ALS2CL: variants seen among roughly 807,000 people sequenced by gnomAD.
ALS2CL encodes the protein ALS2 C-terminal like.
In ALS2CL, 112 loss-of-function variants were observed where a neutral mutation model predicts 127.9. The ratio of observed to expected loss-of-function variants is 0.88; its 90% CI spans 0.75 to 1.02. The LOEUF (loss-of-function observed/expected upper bound fraction) is 1.02, where lower values mean the gene tolerates loss of function less well. Among genes scored for constraint, ALS2CL ranks in the 50% least tolerant of loss-of-function variants. ALS2CL has a pLI of 0.00. For synonymous variants in ALS2CL, 519 were observed against 527.6 expected (o/e 0.98, Z 0.22); for missense variants, 1,174 against 1,236.7 (o/e 0.95, Z 0.76).
chr3:46,673,268 A>T, intron 22 of ALS2CL, 71 bp downstream of exon 22: 1 of 1,322,030 alleles, frequency 7.6e-7, no homozygotes, highest in Non-Finnish European at 1.0e-6. Context: ...AGCAATCATG[A>T]GGCAAAGGGC....
intron 1 of ALS2CL, among the ~76,000 whole-genome samples, chr3:46,693,312 C>T (rs924243769): frequency 6.6e-6 from 1 of 152,272 alleles, no homozygotes; most frequent in Admixed American, 6.5e-5. Context: ...CCTGGAATCC[C>T]GGGTCGGGCC....
chr3:46,677,179 C>T lies in ALS2CL; in HGVS notation c.1758-157G>A, dbSNP rs943628453. On this transcript the variant is annotated intron_variant, in intron 16 of 25. Transcript: ENST00000318962. ...GATTGAACCATGCAGAGGGGGCTGACCTCCACGGCTCCAGGAGGAAGAGCA... is the reference window on the plus strand; with the variant it reads ...GATTGAACCATGCAGAGGGGGCTGATCTCCACGGCTCCAGGAGGAAGAGCA... The T allele has an allele frequency of 9.5e-5, 136 of 1,433,878 alleles. No homozygotes were observed. The highest frequency in any genetic ancestry group is 5.1e-4 in the Middle Eastern group (2 of 3,892). 88.8% of individuals were successfully genotyped at this position (1,433,878 alleles called of 1,614,324 possible).
rs756560775 is a variant in ALS2CL at position 46,675,612 on chromosome 3, A to G, written c.2255+6T>C. The stretch of plus-strand genomic sequence containing the variant: ...GGCAGGCCCCAAGGAGACCTGCGCC[A>G]GTCACCTTGTCTCTGTGTCTTCATC... On this transcript the variant is annotated splice_donor_region_variant and intron_variant, in intron 20 of 25. Transcript: ENST00000318962. 2.9e-5 allele frequency: 47 copies of G among 1,613,342 alleles called. No individual in the cohort carries two copies. The highest frequency in any genetic ancestry group is 4.0e-5 in the Non-Finnish European group (47 of 1,179,656).
intron 16 of ALS2CL, among the ~76,000 whole-genome samples, chr3:46,677,627 A>G (rs73061835): frequency 1.8e-3 from 267 of 152,308 alleles, no homozygotes; most frequent in Non-Finnish European, 3.1e-3. Context: ...CTCCCTCCCT[A>G]CATCTGAAAT....
chr3:46,692,764 C>A (rs1224179238), intron 1 of ALS2CL, among the ~76,000 whole-genome samples: 3 of 152,216 alleles, frequency 2.0e-5, no homozygotes, highest in Non-Finnish European at 4.4e-5. Context: ...GCCCCTGTGG[C>A]GCTCTAACCA....
At position 46,676,413 on chromosome 3, in the gene ALS2CL, G is replaced by T. The variant is rs1401967349; in HGVS notation, c.2029-11C>A. 6.2e-7 allele frequency: 1 copy of T among 1,613,670 alleles called. No homozygotes were observed. The highest frequency in any genetic ancestry group is 1.3e-5 in the African/African-American group (1 of 75,006). ...TGAGTTGCTCAGAGCCTGGGCCAGT[G>T]CATAGGCAACAGAGAGAGACTAAGC... On this transcript the variant is annotated splice_polypyrimidine_tract_variant and intron_variant, in intron 18 of 25. Transcript: ENST00000318962.
At chr3:46,679,593 A>G (rs1699157272) in intron 14 of ALS2CL, 1 of 207,470 alleles carries the variant, frequency 4.8e-6, no homozygotes, top group Admixed American at 5.8e-5. Flanking sequence ...TCTCTGAAAC[A>G]TCCCTGCTTC....
At chr3:46,678,066 G>A (rs888005991) in intron 16 of ALS2CL, among the ~76,000 whole-genome samples, 193 bp downstream of exon 16, 1 of 150,874 alleles carries the variant, frequency 6.6e-6, no homozygotes. Context: ...GTTTTGTGGT[G>A]TACCGCATTA....
At position 46,683,778 on chromosome 3, in the gene ALS2CL, T is replaced by G; in HGVS notation, c.912+4A>C. The G allele has an allele frequency of 6.2e-7, 1 of 1,613,906 alleles. No homozygotes were observed. Among genetic ancestry groups the G allele is most frequent in the Non-Finnish European group, 8.5e-7 (1 of 1,179,918 alleles). On this transcript the variant is annotated splice_donor_region_variant and intron_variant, in intron 9 of 25. Coordinates refer to ENST00000318962, the MANE Select transcript of ALS2CL (RefSeq NM_147129.5). ...CCCGCAGTTCACAGCTCACCCACAC[T>G]CACCTGGCCCTGGGAGTCCTTGGCA...
At chr3:46,672,608 A>T (rs1230222870) in intron 22 of ALS2CL, among the ~76,000 whole-genome samples, 5 of 152,116 alleles carry the variant, frequency 3.3e-5, no homozygotes, top group Admixed American at 6.5e-5. Context: ...CTGCTTTCCT[A>T]ACAGGTTCCC....
chr3:46,690,083 C>T (rs1230623663), intron 1 of ALS2CL, among the ~76,000 whole-genome samples: 2 of 152,210 alleles, frequency 1.3e-5, no homozygotes, highest in African/African-American at 2.4e-5. Context: ...AGAGTAAAGG[C>T]TCATGGGTGT....
rs1698897778 is a variant in ALS2CL, at chr3:46,676,999, G to T, written c.1781C>A (p.Pro594His). 2 of 1,609,732 alleles carry T rather than the reference G, an allele frequency of 1.2e-6. No homozygotes were observed. The highest frequency in any genetic ancestry group is 2.7e-5 in the African/African-American group (2 of 74,858). The change falls in exon 17 of 26, where the codon CCC becomes CAC. Residue 594 changes from proline to histidine, a missense_variant. Coordinates refer to ENST00000318962, the MANE Select transcript of ALS2CL (RefSeq NM_147129.5). ...CKRQLGVGAF[P>H]VESRWQGVYS... ...GACTCCCTGCCAGCGGCTTTCCACGGGGAAGGCACCCACGCCCAGCTGCCT... is the reference window on the plus strand; with the variant it reads ...GACTCCCTGCCAGCGGCTTTCCACGTGGAAGGCACCCACGCCCAGCTGCCT...
At chr3:46,689,262 T>C in intron 2 of ALS2CL, 76 bp downstream of exon 2, 1 of 1,463,612 alleles carries the variant, frequency 6.8e-7, no homozygotes, top group Non-Finnish European at 9.4e-7. Flanking sequence ...GCTCAGCAAG[T>C]CCAACAAGGT....
Position 46,680,429 on chromosome 3 carries a change from C to G in ALS2CL, c.1548+1G>C. ...GATAGCCCAGGATACACTCCACTCA[C>G]CACCGTCTTGTCCGCCTGGAAGGTG... On this transcript the variant is annotated splice_donor_variant, in intron 14 of 25. Transcript: ENST00000318962. LOFTEE classifies it high-confidence loss of function. 6.2e-7 allele frequency: 1 copy of G among 1,612,802 alleles called. No homozygotes were observed.
intron 7 of ALS2CL, 96 bp downstream of exon 7, chr3:46,685,429 C>A: frequency 6.5e-7 from 1 of 1,545,510 alleles, no homozygotes; most frequent in Non-Finnish European, 8.8e-7. Flanking sequence ...AGCCCACTTT[C>A]TCAGTCCCAG....
chr3:46,682,096 T>C lies in ALS2CL; in HGVS notation c.1110-2A>G, dbSNP rs776375571. ...CCATCCGGCCATTTCAGGGTTCCCC[T>C]GGAACACAGTGGAGGTTCACGAGCC... is the stretch of plus-strand genomic sequence containing the variant. On this transcript the variant is annotated splice_acceptor_variant, in intron 10 of 25. Transcript: ENST00000318962. LOFTEE classifies it high-confidence loss of function. 1.2e-6 allele frequency: 2 copies of C among 1,613,766 alleles called. No individual in the cohort carries two copies. The highest frequency in any genetic ancestry group is 1.7e-6 in the Non-Finnish European group (2 of 1,179,886).
intron 4 of ALS2CL, 35 bp downstream of exon 4, chr3:46,687,584 C>A: frequency 6.2e-7 from 1 of 1,608,980 alleles, no homozygotes; most frequent in South Asian, 1.1e-5. Flanking sequence ...GCACTCCCAC[C>A]CTGTCAGGGG....
rs933660217 is a variant in ALS2CL at position 46,686,591 on chromosome 3, G to A, written c.535-152C>T. 8.9e-7 allele frequency: 1 copy of A among 1,129,846 alleles called. No homozygotes were observed. The highest frequency in any genetic ancestry group is 1.7e-5 in the South Asian group (1 of 59,828). 70.0% of individuals were successfully genotyped at this position (1,129,846 alleles called of 1,614,324 possible). A position where few individuals can be genotyped will look rare whatever the true frequency, so the allele number is the denominator to read the frequency against. ...CTCTTCTGCTGGTGGGGCAGGGGGT[G>A]GAATATGAAGGTGCTTCCCCAGCTT... is the stretch of plus-strand genomic sequence containing the variant. On this transcript the variant is annotated intron_variant, in intron 5 of 25. Coordinates refer to ENST00000318962, the MANE Select transcript of ALS2CL (RefSeq NM_147129.5). The surrounding 1 kb of genome is among the most constrained non-coding windows in gnomAD (Gnocchi z 4.3).
Position 46,681,696 on chromosome 3 carries a change from C to T in ALS2CL, c.1176-98G>A, listed in dbSNP as rs957448809. 3 of 1,248,064 alleles carry T rather than the reference C, an allele frequency of 2.4e-6. No individual in the cohort carries two copies. Among genetic ancestry groups the T allele is most frequent in the Non-Finnish European group, 2.3e-6 (2 of 873,386 alleles). 77.3% of individuals were successfully genotyped at this position (1,248,064 alleles called of 1,614,324 possible). On this transcript the variant is annotated intron_variant, in intron 11 of 25. Coordinates refer to ENST00000318962, the MANE Select transcript of ALS2CL (RefSeq NM_147129.5). The surrounding 1 kb of genome is among the most constrained non-coding windows in gnomAD (Gnocchi z 4.9). ...AGGAGTATCCCTGCCCCCAAGGAGC[C>T]TTCCAGACAACAGGGAGACTCTCAG... is the stretch of plus-strand genomic sequence containing the variant.
Sources: allele counts gnomAD v4.1 joint callset (sites outside exome capture counted in the v4.1 genomes callset), GRCh38; gene constraint gnomAD v4.1.1; non-coding constraint Gnocchi (gnomAD v3.1); transcripts MANE v1.5; gene names NCBI Gene and HGNC (gene_info 2026-07-23, HGNC 2026-07-21).